Variants in USP4 observed in about 807,000 individuals in gnomAD.
USP4 encodes ubiquitin specific peptidase 4.
USP4 carries 72 observed loss-of-function variants against 118.2 expected under a neutral mutation model. That is an observed-to-expected ratio of 0.61 (90% CI 0.50 to 0.74). The LOEUF is 0.74. USP4 is among the 30% of genes least tolerant of loss of function. The probability of loss-of-function intolerance (pLI) is 0.00; values close to 1 mark genes in which losing one functional copy is unlikely to be tolerated. For synonymous variants in USP4, 415 were observed against 440.4 expected (o/e 0.94, Z 0.72); for missense variants, 1,037 against 1,185.7 (o/e 0.87, Z 1.84).
chr3:49,309,494 G>A (rs1470832253), intron 8 of USP4, among the ~76,000 whole-genome samples: 1 of 152,052 alleles, frequency 6.6e-6, no homozygotes, highest in African/African-American at 2.4e-5. Context: ...CTGGCCTCAA[G>A]CAATACTACC....
chr3:49,318,661 C>A, intron 6 of USP4: 1 of 973,424 alleles, frequency 1.0e-6, no homozygotes, highest in African/African-American at 1.8e-5. Context: ...GTAATCCCAG[C>A]ACTCTGGGAC....
At chr3:49,295,714 G>GCGCACACACACACACACA (rs149459963) in intron 13 of USP4, among the ~76,000 whole-genome samples, 8 of 148,414 alleles carry the variant, frequency 5.4e-5, no homozygotes, top group African/African-American at 2.1e-4. Flanking sequence ...GCGCGCGCGC[G>GCGCACACACACACACACA]CACACACACA....
rs1253521098 is a variant in USP4, at chr3:49,311,572, T to C, written c.778A>G (p.Ile260Val). The change falls in exon 7 of 22, where the codon ATT becomes GTT. Residue 260 changes from isoleucine to valine, a missense_variant. This residue lies in a region of USP4 where 487 missense variants were observed against 534.1 expected (regional missense o/e 0.91). Coordinates refer to ENST00000265560, the MANE Select transcript of USP4 (RefSeq NM_003363.4). ...GTGCTAGTGCTATCACCATTTGCAA[T>C]GAGAGAGGCAGACACTGAGGAATAG... ...SPYSSVSASL[I>V]ANGDSTSTCG... 1.2e-6 allele frequency: 2 copies of C among 1,613,958 alleles called. No individual in the cohort carries two copies. The highest frequency in any genetic ancestry group is 1.1e-5 in the South Asian group (1 of 91,088).
At chr3:49,280,699 G>A (rs770279203) in intron 20 of USP4, 45 bp downstream of exon 20, 25 of 1,528,846 alleles carry the variant, frequency 1.6e-5, no homozygotes, top group Admixed American at 8.4e-5. Flanking sequence ...GATGATGGCC[G>A]AGCACATTTC....
intron 1 of USP4, among the ~76,000 whole-genome samples, chr3:49,338,725 C>A (rs1381446841): frequency 6.6e-6 from 1 of 151,882 alleles, no homozygotes; most frequent in Non-Finnish European, 1.5e-5. Context: ...TCTGTTTACC[C>A]TGCCTTTCAC....
intron 1 of USP4, among the ~76,000 whole-genome samples, chr3:49,339,298 C>G (rs1272745353): frequency 6.6e-6 from 1 of 152,162 alleles, no homozygotes; most frequent in East Asian, 1.9e-4. Flanking sequence ...ATTAAGATGC[C>G]TAATAACTCA....
At chr3:49,319,803 G>A (rs1204374265) in intron 6 of USP4, among the ~76,000 whole-genome samples, 1 of 151,778 alleles carries the variant, frequency 6.6e-6, no homozygotes, top group Admixed American at 6.6e-5. Flanking sequence ...TTAGTAGATA[G>A]GGGGGTCTCG....
chr3:49,323,257 G>A (rs1482995640), intron 6 of USP4, among the ~76,000 whole-genome samples: 2 of 136,936 alleles, frequency 1.5e-5, no homozygotes, highest in Non-Finnish European at 3.1e-5. Flanking sequence ...ATGAGCCACT[G>A]CTCCTGGCCT....
At chr3:49,308,069 G>C (rs1388280288) in intron 8 of USP4, among the ~76,000 whole-genome samples, 2 of 152,112 alleles carry the variant, frequency 1.3e-5, no homozygotes, top group Non-Finnish European at 2.9e-5. Flanking sequence ...TGGCTTCTGG[G>C]AGGTAATCTA....
At chr3:49,294,272 A>T in intron 14 of USP4, 135 bp downstream of exon 14, 1 of 990,860 alleles carries the variant, frequency 1.0e-6, no homozygotes, top group Non-Finnish European at 1.5e-6. Flanking sequence ...GGCATGAGCC[A>T]CTGCACCCGG....
intron 1 of USP4, 147 bp from the exon 2 acceptor site, chr3:49,335,743 C>T: frequency 2.4e-6 from 2 of 828,262 alleles, no homozygotes; most frequent in Non-Finnish European, 3.8e-6. Context: ...GAGCAGGGCC[C>T]AGGCCCCACA....
intron 6 of USP4, among the ~76,000 whole-genome samples, chr3:49,324,058 G>A (rs550532610): frequency 1.3e-5 from 2 of 152,162 alleles, no homozygotes; most frequent in East Asian, 1.9e-4. Context: ...GAGTATAATG[G>A]TGCGATCTCA....
intron 19 of USP4, among the ~76,000 whole-genome samples, chr3:49,283,296 G>A (rs2047058973): frequency 6.6e-6 from 1 of 151,834 alleles, no homozygotes; most frequent in East Asian, 1.9e-4. Flanking sequence ...TTACAAGCAT[G>A]AGCCACCGTG....
intron 19 of USP4, among the ~76,000 whole-genome samples, chr3:49,282,224 T>G (rs2047038357): frequency 6.6e-6 from 1 of 152,048 alleles, no homozygotes; most frequent in African/African-American, 2.4e-5. Flanking sequence ...CCCAGAAAGC[T>G]TTCTTCCTCC....
chr3:49,322,451 T>C (rs976100113), intron 6 of USP4, among the ~76,000 whole-genome samples: 3 of 152,354 alleles, frequency 2.0e-5, no homozygotes, highest in Non-Finnish European at 2.9e-5. Context: ...ATTGGTTATA[T>C]GCCTAACAAC....
At chr3:49,327,314 G>T (rs1459552270) in intron 3 of USP4, among the ~76,000 whole-genome samples, 1 of 152,086 alleles carries the variant, frequency 6.6e-6, no homozygotes, top group African/African-American at 2.4e-5. Flanking sequence ...GAGTCGGGCG[G>T]ATCACAAGGT....
chr3:49,325,753 C>A lies in USP4; in HGVS notation c.453G>T (p.Val151=), dbSNP rs758857517. The change falls in exon 4 of 22, where the codon GTG becomes GTT. Residue 151 remains valine, a synonymous_variant. Coordinates refer to ENST00000265560, the MANE Select transcript of USP4 (RefSeq NM_003363.4). ...KLCENSDPTN[V]LSCHFSKADT... ...CTGCCTTGCTGAAATGGCAACTCAG[C>A]ACATTGGTGGGGTCACTGTTCTCAC... 40 of 1,613,846 alleles carry A rather than the reference C, an allele frequency of 2.5e-5. No homozygotes were observed. In the Admixed American group the frequency reaches 6.3e-4, roughly 26 times the overall value.
intron 10 of USP4, 67 bp downstream of exon 10, chr3:49,302,317 T>C: frequency 6.4e-7 from 1 of 1,553,374 alleles, no homozygotes; most frequent in African/African-American, 1.4e-5. Context: ...CAGAAGAATA[T>C]CCCTGCACTC....
At chr3:49,285,871 G>T (rs1230459078) in intron 16 of USP4, among the ~76,000 whole-genome samples, 2 of 152,192 alleles carry the variant, frequency 1.3e-5, no homozygotes, top group Non-Finnish European at 2.9e-5. Context: ...GGAGTGGAGG[G>T]AGACCTACTT....
Sources: gnomAD v4.1 joint callset for allele counts (sites outside exome capture counted in the v4.1 genomes callset) on GRCh38, gnomAD v4.1.1 for gene constraint, gnomAD v4.1.1 regional missense constraint, MANE v1.5 for transcripts, NCBI Gene and HGNC (gene_info 2026-07-23, HGNC 2026-07-21) for gene names.